Variants in CCNK observed in about 807,000 individuals in gnomAD.
The protein encoded by CCNK is cyclin K.
A neutral mutation model predicts 65.0 loss-of-function variants in CCNK; 9 were observed. The ratio of observed to expected loss-of-function variants is 0.14; its 90% CI spans 0.08 to 0.24. The LOEUF (loss-of-function observed/expected upper bound fraction) is 0.24, where lower values mean the gene tolerates loss of function less well. CCNK is among the 10% of genes least tolerant of loss of function. CCNK has a pLI of 1.00. For missense variants in CCNK, 474 were observed against 720.0 expected (o/e 0.66, Z 3.91); for synonymous variants, 279 against 270.8 (o/e 1.03, Z -0.30).
In CCNK at chr14:99,512,346, C is replaced by G. The variant is rs1341565449; in HGVS notation, c.*1564C>G. ...AGAAACCAGACGTTCCAGTCCATCT[C>G]CAAAAAGCAGCACAAATACTTTGCC... On this transcript the variant is annotated 3_prime_UTR_variant, in exon 11 of 11. Coordinates refer to ENST00000389879, the MANE Select transcript of CCNK (RefSeq NM_001099402.2). 6.6e-6 allele frequency: 1 copy of G among 151,872 alleles called. No homozygotes were observed. Among genetic ancestry groups the G allele is most frequent in the African/African-American group, 2.4e-5 (1 of 41,318 alleles). The allele number at this position is 151,872 out of a possible 1,614,324, so 9.4% of individuals were successfully genotyped here.
intron 9 of CCNK, chr14:99,506,477 C>T (rs1282066520): frequency 2.0e-5 from 3 of 153,108 alleles, no homozygotes; most frequent in Non-Finnish European, 4.4e-5. Context: ...GTTTCCTCCA[C>T]CTCAAGGGGT....
chr14:99,493,881 A>C, intron 3 of CCNK: 1 of 265,228 alleles, frequency 3.8e-6, no homozygotes, highest in Non-Finnish European at 7.1e-6. Flanking sequence ...TATAATTGAG[A>C]CTCAACAAAG....
chr14:99,482,311 T>C (rs1443216258), intron 1 of CCNK, among the ~76,000 whole-genome samples: 1 of 152,242 alleles, frequency 6.6e-6, no homozygotes, highest in Non-Finnish European at 1.5e-5. Flanking sequence ...CCTAGCACAA[T>C]GCCTTGCAGT....
intron 9 of CCNK, chr14:99,505,701 TA>T (rs966523601): frequency 1.3e-5 from 2 of 151,984 alleles, no homozygotes; most frequent in African/African-American, 4.8e-5. Flanking sequence ...ACACAAAACT[TA>T]AAAATCAGCT....
At chr14:99,484,952 A>G (rs1189552736) in intron 1 of CCNK, among the ~76,000 whole-genome samples, 1 of 152,196 alleles carries the variant, frequency 6.6e-6, no homozygotes, top group African/African-American at 2.4e-5. Context: ...ATGGATTTTC[A>G]TTTTGCAGAG....
At position 99,510,202 on chromosome 14, in the gene CCNK, C is replaced by T. The variant is rs779396416; in HGVS notation, c.1163C>T (p.Pro388Leu). 2.4e-5 allele frequency: 38 copies of T among 1,597,242 alleles called. No homozygotes were observed. The highest frequency in any genetic ancestry group is 2.0e-4 in the East Asian group (9 of 44,358). The change falls in exon 11 of 11, where the codon CCG (proline) becomes CTG (leucine). Residue 388 changes from proline to leucine, a missense_variant. By Grantham distance (98) the Pro-to-Leu change is moderately conservative. This residue lies in a region of CCNK where 229 missense variants were observed against 275.5 expected (regional missense o/e 0.83). Coordinates refer to ENST00000389879, the MANE Select transcript of CCNK (RefSeq NM_001099402.2). ...GCTGCCTTAGGTGAGGCTGAGCCGC[C>T]GGGCCCTGTGGATGCCACTGACCTC... is the stretch of plus-strand genomic sequence containing the variant. Reference protein sequence around the residue: ...LAAALGEAEPPGPVDATDLPK... With the variant: ...LAAALGEAEPLGPVDATDLPK...
At chr14:99,489,541 A>G (rs138352536) in intron 1 of CCNK, among the ~76,000 whole-genome samples, 132 of 152,372 alleles carry the variant, frequency 8.7e-4, no homozygotes, top group African/African-American at 3.1e-3. Context: ...TAAAATAAGT[A>G]AGTAAGTAAA....
chr14:99,500,754 A>G lies in CCNK; in HGVS notation c.412-12A>G. 2 of 1,507,388 alleles carry G rather than the reference A, an allele frequency of 1.3e-6. No individual in the cohort carries two copies. Among genetic ancestry groups the G allele is most frequent in the Non-Finnish European group, 1.8e-6 (2 of 1,104,394 alleles). 93.4% of individuals were successfully genotyped at this position (1,507,388 alleles called of 1,614,324 possible). A position where few individuals can be genotyped will look rare whatever the true frequency, so the allele number is the denominator to read the frequency against. The stretch of plus-strand genomic sequence containing the variant: ...TGTAATTACTGTCCTAACATTTGTG[A>G]TTGATTTTTAGGAGGAAGTAATGGT... On this transcript the variant is annotated splice_polypyrimidine_tract_variant and intron_variant, in intron 4 of 10. Coordinates refer to ENST00000389879, the MANE Select transcript of CCNK (RefSeq NM_001099402.2).
At position 99,510,846 on chromosome 14, in the gene CCNK, G is replaced by C. The variant is rs1897113578; in HGVS notation, c.*64G>C. On this transcript the variant is annotated 3_prime_UTR_variant, in exon 11 of 11. Coordinates refer to ENST00000389879, the MANE Select transcript of CCNK (RefSeq NM_001099402.2). ...TTTCTAATCGACTTGCAGAGTAGTT[G>C]AAGTGGGTAAGCAGCAGGGTACCTT... The C allele has an allele frequency of 7.5e-7, 1 of 1,325,450 alleles. No individual in the cohort carries two copies. Among genetic ancestry groups the C allele is most frequent in the Non-Finnish European group, 9.8e-7 (1 of 1,019,922 alleles). The allele number at this position is 1,325,450 out of a possible 1,614,324, so 82.1% of individuals were successfully genotyped here.
Position 99,493,561 on chromosome 14 carries a change from A to C in CCNK, c.245A>C (p.Tyr82Ser). 1 of 1,611,828 alleles carries C rather than the reference A, an allele frequency of 6.2e-7. No individual in the cohort carries two copies. The highest frequency in any genetic ancestry group is 8.5e-7 in the Non-Finnish European group (1 of 1,178,542). Reference sequence around the variant, plus strand: ...GGAATAATTTATTTTCATCGCTTCTATATGTTTCATTCCTTCAAGCAATTC... The same window carrying C: ...GGAATAATTTATTTTCATCGCTTCTCTATGTTTCATTCCTTCAAGCAATTC... ...ATGIIYFHRF[Y>S]MFHSFKQFPR... is the part of the protein sequence containing the mutation. Residue 82 changes from tyrosine to serine, a missense_variant, in exon 3 of 11, where the codon TAT becomes TCT. Physicochemically the swap from Tyr to Ser is moderately radical, Grantham distance 144 (BLOSUM62 -2). Around this residue, in one of 6 missense-constraint regions of CCNK, gnomAD observed 87 missense variants for 166.2 expected, o/e 0.52. Transcript: ENST00000389879.
At chr14:99,491,483 T>G (rs1896596778) in intron 1 of CCNK, among the ~76,000 whole-genome samples, 1 of 152,214 alleles carries the variant, frequency 6.6e-6, no homozygotes. Flanking sequence ...CAGGTCATAT[T>G]TTCTGAGGTT....
chr14:99,501,550 G>C (rs760944464), intron 6 of CCNK, 137 bp downstream of exon 6: 4 of 633,478 alleles, frequency 6.3e-6, no homozygotes, highest in Non-Finnish European at 1.1e-5. Context: ...TAATGGCAAA[G>C]CTGGGGCTGA....
In CCNK at chr14:99,500,873, TAAG is replaced by T. The variant is rs201567868; in HGVS notation, c.517+8_517+10del. The T allele has an allele frequency of 6.0e-4, 896 of 1,504,068 alleles. 7 individuals carry two copies. The Admixed American group carries it at 0.015, about 26-fold the overall frequency. The allele number at this position is 1,504,068 out of a possible 1,614,324, so 93.2% of individuals were successfully genotyped here. ...TAAAATATGCAAAGCAACTCAAAGGTAAGAAGAAAGTTTTCAGAAGAATTTTTT... is the reference window on the plus strand; with the variant it reads ...TAAAATATGCAAAGCAACTCAAAGGTAAGAAAGTTTTCAGAAGAATTTTTT... On this transcript the variant is annotated splice_donor_5th_base_variant and intron_variant, in intron 5 of 10. Coordinates refer to ENST00000389879, the MANE Select transcript of CCNK (RefSeq NM_001099402.2).
intron 10 of CCNK, chr14:99,507,984 G>A (rs1897017614): frequency 6.6e-6 from 1 of 152,250 alleles, no homozygotes. Context: ...AGAGTGACCT[G>A]TGCTTGCTCT....
At chr14:99,503,169 C>T (rs1896882396) in intron 8 of CCNK, 185 bp downstream of exon 8, 2 of 742,622 alleles carry the variant, frequency 2.7e-6, no homozygotes, top group Admixed American at 2.0e-5. Context: ...GACAGGCTGC[C>T]TCTGAGAACC....
intron 4 of CCNK, among the ~76,000 whole-genome samples, chr14:99,497,325 C>T (rs1456854523): frequency 6.6e-6 from 1 of 152,126 alleles, no homozygotes; most frequent in Admixed American, 6.5e-5. Context: ...AGAATGTCAT[C>T]GAATTGGAAT....
rs565861187 is a variant in CCNK at position 99,511,097 on chromosome 14, T to G, written c.*315T>G. 2 of 213,356 alleles carry G rather than the reference T, an allele frequency of 9.4e-6. No homozygotes were observed. Among genetic ancestry groups the G allele is most frequent in the East Asian group, 1.9e-4 (2 of 10,302 alleles). 13.2% of individuals were successfully genotyped at this position (213,356 alleles called of 1,614,324 possible). A position where few individuals can be genotyped will look rare whatever the true frequency, so the allele number is the denominator to read the frequency against. On this transcript the variant is annotated 3_prime_UTR_variant, in exon 11 of 11. Transcript: ENST00000389879. ...TAACCAGCCATATTGGCTCAATAAA[T>G]AGCTTCGGTAAGGAGTTAATTTCCT... is the stretch of plus-strand genomic sequence containing the variant.
chr14:99,508,005 G>A (rs1452739742), intron 10 of CCNK: 1 of 152,234 alleles, frequency 6.6e-6, no homozygotes, highest in Non-Finnish European at 1.5e-5. Context: ...CCAAAAGGTG[G>A]TCGATACTCC....
At position 99,495,494 on chromosome 14, in the gene CCNK, T is replaced by C. The variant is rs760766785; in HGVS notation, c.280-4T>C. ...AAAATCAAGAACTTTTGTTTCCCTT[T>C]TAGGTGACAGGAGCCTGTTGCCTCT... On this transcript the variant is annotated splice_polypyrimidine_tract_variant and splice_region_variant and intron_variant, in intron 3 of 10. Transcript: ENST00000389879. 6.2e-6 allele frequency: 10 copies of C among 1,606,414 alleles called. No homozygotes were observed. The highest frequency in any genetic ancestry group is 8.5e-6 in the Non-Finnish European group (10 of 1,177,850).
Sources: allele counts gnomAD v4.1 joint callset (sites outside exome capture counted in the v4.1 genomes callset), GRCh38; gene constraint gnomAD v4.1.1; regional missense constraint gnomAD v4.1.1; transcripts MANE v1.5; gene names NCBI Gene and HGNC (gene_info 2026-07-23, HGNC 2026-07-21).